EPHA3: variants seen among roughly 807,000 people sequenced by gnomAD.
The protein encoded by EPHA3 is ephrin type-A receptor 3.
Under a neutral mutation model 107.1 loss-of-function variants are expected in EPHA3, and 42 were observed. The observed-to-expected ratio is 0.39, with a 90% confidence interval of 0.31 to 0.51. EPHA3 has a LOEUF of 0.51. Among genes scored for constraint, EPHA3 ranks in the 20% least tolerant of loss-of-function variants. EPHA3 has a pLI of 0.78. For synonymous variants in EPHA3, 461 were observed against 424.8 expected (o/e 1.09, Z -1.05); for missense variants, 1,183 against 1,211.2 (o/e 0.98, Z 0.35).
chr3:89,318,621 G>C (rs1241481595), intron 3 of EPHA3, among the ~76,000 whole-genome samples: 2 of 151,874 alleles, frequency 1.3e-5, no homozygotes, highest in Non-Finnish European at 2.9e-5. Flanking sequence ...TATGTTGATG[G>C]TACCCATGTT....
In EPHA3 at chr3:89,249,967, G is replaced by A. The variant is rs148422727; in HGVS notation, c.814+39447G>A. Among the ~76,000 whole-genome samples, 696 of 152,186 alleles carry A rather than the reference G, an allele frequency of 4.6e-3. 6 individuals are homozygous for A. Among genetic ancestry groups the A allele is most frequent in the African/African-American group, 0.016 (649 of 41,520 alleles). ...AATATCTTTATATATTATGGAAAAT[G>A]CCAGAGCCGAATGCTTGTAAAAAAT... On this transcript the variant is annotated intron_variant, in intron 3 of 16. Coordinates refer to ENST00000336596, the MANE Select transcript of EPHA3 (RefSeq NM_005233.6).
chr3:89,272,095 C>T (rs377709807), intron 3 of EPHA3, among the ~76,000 whole-genome samples: 20 of 151,742 alleles, frequency 1.3e-4, no homozygotes, highest in East Asian at 3.9e-4. Context: ...CATACAAATA[C>T]GCATTAATCG....
intron 3 of EPHA3, among the ~76,000 whole-genome samples, chr3:89,278,089 A>C (rs1268482142): frequency 6.6e-6 from 1 of 152,298 alleles, no homozygotes; most frequent in South Asian, 2.1e-4. Flanking sequence ...AAACATGTGT[A>C]ATTCCCCAGC....
At chr3:89,224,242 A>T (rs1341202699) in intron 3 of EPHA3, among the ~76,000 whole-genome samples, 1 of 152,212 alleles carries the variant, frequency 6.6e-6, no homozygotes, top group Non-Finnish European at 1.5e-5. Context: ...ATTCAAAATT[A>T]AGCTTCATAA....
intron 3 of EPHA3, among the ~76,000 whole-genome samples, chr3:89,222,192 A>T (rs1290119295): frequency 6.6e-6 from 1 of 151,944 alleles, no homozygotes; most frequent in African/African-American, 2.4e-5. Flanking sequence ...TATGTGCCCA[A>T]TGTGTATGCT....
chr3:89,162,843 G>A (rs936536633), intron 2 of EPHA3, among the ~76,000 whole-genome samples: 16 of 152,050 alleles, frequency 1.1e-4, no homozygotes, highest in African/African-American at 3.9e-4. Context: ...ACTCTAGGAC[G>A]GCCACTCCAT....
chr3:89,388,482 A>G (rs541330707), intron 5 of EPHA3, among the ~76,000 whole-genome samples: 20 of 152,212 alleles, frequency 1.3e-4, no homozygotes, highest in Non-Finnish European at 2.6e-4. Flanking sequence ...AGGGAATTAT[A>G]TTAGCAAAGG....
chr3:89,179,359 TA>T (rs2107115755), intron 2 of EPHA3, among the ~76,000 whole-genome samples: 1 of 152,198 alleles, frequency 6.6e-6, no homozygotes, highest in South Asian at 2.1e-4. Context: ...CTAATTTCTT[TA>T]AAAAGGAGGG....
At chr3:89,175,314 G>T (rs1705297851) in intron 2 of EPHA3, among the ~76,000 whole-genome samples, 1 of 151,978 alleles carries the variant, frequency 6.6e-6, no homozygotes, top group African/African-American at 2.4e-5. Context: ...CTTTAAGTTG[G>T]AAAAGTGTCA....
At chr3:89,220,778 T>C (rs1704353615) in intron 3 of EPHA3, among the ~76,000 whole-genome samples, 1 of 152,206 alleles carries the variant, frequency 6.6e-6, no homozygotes, top group Non-Finnish European at 1.5e-5. Context: ...GGACATATTG[T>C]GTTAATAGTC....
At chr3:89,196,396 C>G (rs1705837222) in intron 2 of EPHA3, among the ~76,000 whole-genome samples, 1 of 152,168 alleles carries the variant, frequency 6.6e-6, no homozygotes, top group Admixed American at 6.5e-5. Context: ...ATCTCTCCCA[C>G]TGGTATGGAA....
chr3:89,120,869 A>G (rs1440815476), intron 1 of EPHA3, among the ~76,000 whole-genome samples: 1 of 152,248 alleles, frequency 6.6e-6, no homozygotes, highest in Non-Finnish European at 1.5e-5. Flanking sequence ...ATCTTCTTAT[A>G]TCACATAAAT....
intron 5 of EPHA3, among the ~76,000 whole-genome samples, chr3:89,357,106 CAAAAAAAAAAAAAAAA>C (rs56717904): frequency 6.3e-5 from 1 of 15,978 alleles, no homozygotes; most frequent in Non-Finnish European, 1.1e-4. Context: ...GACCCTGTCT[CAAAAAAAAAAAAAAAA>C]AAAAAAAAAA....
rs547227665 is a variant in EPHA3 at position 89,174,051 on chromosome 3, T to C, written c.154-35809T>C. ...AAGCAAGGAAAAATTACTCGGCTTT[T>C]ACAGAGAAGAAACTCAAGAAAAATG... is the stretch of plus-strand genomic sequence containing the variant. On this transcript the variant is annotated intron_variant, in intron 2 of 16. Coordinates refer to ENST00000336596, the MANE Select transcript of EPHA3 (RefSeq NM_005233.6). 1.6e-4 allele frequency among the ~76,000 whole-genome samples: 25 copies of C among 152,110 alleles called. No individual in the cohort carries two copies. The South Asian group carries it at 5.0e-3, about 30-fold the overall frequency.
chr3:89,410,866 A>G (rs1709144783), intron 9 of EPHA3, among the ~76,000 whole-genome samples: 1 of 151,882 alleles, frequency 6.6e-6, no homozygotes, highest in Non-Finnish European at 1.5e-5. Context: ...GTAATGTTAG[A>G]AGTTATTTTA....
chr3:89,128,943 T>C (rs1704145771), intron 2 of EPHA3, among the ~76,000 whole-genome samples: 1 of 152,068 alleles, frequency 6.6e-6, no homozygotes, highest in African/African-American at 2.4e-5. Context: ...CAGAGCTATG[T>C]TGGAGGTAGA....
At chr3:89,409,758 C>G (rs978770760) in intron 9 of EPHA3, among the ~76,000 whole-genome samples, 1 of 152,026 alleles carries the variant, frequency 6.6e-6, no homozygotes, top group Non-Finnish European at 1.5e-5. Flanking sequence ...TAGCTACGAA[C>G]TGTTCCCTAC....
intron 2 of EPHA3, among the ~76,000 whole-genome samples, chr3:89,149,048 A>T (rs542670389): frequency 1.4e-4 from 21 of 152,104 alleles, no homozygotes; most frequent in African/African-American, 5.1e-4. Flanking sequence ...CAGAGATTAT[A>T]GTTCTTCAAA....
chr3:89,471,615 C>T (rs1332666761), intron 15 of EPHA3, among the ~76,000 whole-genome samples: 1 of 152,086 alleles, frequency 6.6e-6, no homozygotes, highest in Non-Finnish European at 1.5e-5. Context: ...CCGCCGGCCT[C>T]AACCTCCCAA....
Sources: gnomAD v4.1 joint callset for allele counts (sites outside exome capture counted in the v4.1 genomes callset) on GRCh38, gnomAD v4.1.1 for gene constraint, MANE v1.5 for transcripts, NCBI Gene and HGNC (gene_info 2026-07-23, HGNC 2026-07-21) for gene names.